Variants in SCML2 observed in about 807,000 individuals in gnomAD.
SCML2 encodes the protein Scm polycomb group protein like 2.
A neutral mutation model predicts 48.4 loss-of-function variants in SCML2; 6 were observed. That is an observed-to-expected ratio of 0.12 (90% CI 0.07 to 0.24). The LOEUF is 0.24. Among genes scored for constraint, SCML2 ranks in the 10% least tolerant of loss-of-function variants. The probability of loss-of-function intolerance (pLI) is 1.00; values close to 1 mark genes in which losing one functional copy is unlikely to be tolerated. For missense variants in SCML2, 377 were observed against 528.2 expected, an observed-to-expected ratio of 0.71 and a Z score of 2.81; for synonymous variants, 181 against 189.5, an observed-to-expected ratio of 0.95 and a Z score of 0.37.
At chrX:18,263,599 A>G (rs1342910969) in intron 8 of SCML2, among the ~76,000 whole-genome samples, 3 of 111,846 alleles carry the variant, frequency 2.7e-5, no homozygotes, top group Non-Finnish European at 5.6e-5. Flanking sequence ...TAAGGAAAAG[A>G]TTTCCTTCAC....
intron 6 of SCML2, among the ~76,000 whole-genome samples, chrX:18,319,022 T>C (rs1929221101): frequency 8.9e-6 from 1 of 111,876 alleles, no homozygotes; most frequent in Middle Eastern, 4.7e-3. Context: ...AGGAACAAAT[T>C]GGACACGAAT....
intron 7 of SCML2, among the ~76,000 whole-genome samples, chrX:18,287,180 C>A (rs1457023132): frequency 1.8e-5 from 2 of 111,888 alleles, no homozygotes; most frequent in Non-Finnish European, 3.8e-5. Context: ...AATTCCGACA[C>A]AAAAAGAAAG....
At chrX:18,347,723 CAAAAAAAAA>C (rs749758995) in intron 1 of SCML2, among the ~76,000 whole-genome samples, 13 of 21,917 alleles carry the variant, frequency 5.9e-4, no homozygotes, top group Non-Finnish European at 1.1e-3. Flanking sequence ...GACTCCGTCT[CAAAAAAAAA>C]AAAAAAAAAA....
intron 11 of SCML2, among the ~76,000 whole-genome samples, chrX:18,252,597 T>G (rs1451203169): frequency 1.8e-5 from 2 of 112,170 alleles, no homozygotes; most frequent in Non-Finnish European, 3.8e-5. Flanking sequence ...CTCAATAAAG[T>G]TACTATAAGA....
At chrX:18,352,764 AGACT>A (rs1240376734) in intron 1 of SCML2, among the ~76,000 whole-genome samples, 1 of 112,077 alleles carries the variant, frequency 8.9e-6, no homozygotes, top group Non-Finnish European at 1.9e-5. Context: ...CACCTTTTTT[AGACT>A]GACTGTAATG....
intron 7 of SCML2, among the ~76,000 whole-genome samples, chrX:18,288,971 G>A (rs1421959040): frequency 9.0e-6 from 1 of 111,693 alleles, no homozygotes; most frequent in East Asian, 2.8e-4. Context: ...GTGGACTGTA[G>A]AGACAGTGAT....
intron 11 of SCML2, 61 bp from the exon 12 acceptor site, chrX:18,247,943 T>C (rs1317189770): frequency 3.2e-5 from 25 of 772,218 alleles, no homozygotes; most frequent in East Asian, 1.6e-4. Flanking sequence ...AGCATTTTCA[T>C]ATCATCAGCA....
At chrX:18,346,868 A>G (rs760225922) in intron 1 of SCML2, among the ~76,000 whole-genome samples, 1 of 112,040 alleles carries the variant, frequency 8.9e-6, no homozygotes, top group East Asian at 2.8e-4. Context: ...GACCAAGAGA[A>G]GCTCTCTCTT....
chrX:18,268,862 A>T (rs1208570212), intron 7 of SCML2, among the ~76,000 whole-genome samples: 1 of 110,709 alleles, frequency 9.0e-6, no homozygotes, highest in Admixed American at 9.5e-5. Context: ...TTCCTATGGG[A>T]CATTTTGGTT....
intron 3 of SCML2, 145 bp downstream of exon 3, chrX:18,330,439 TTTC>T (rs1283810611): frequency 6.5e-6 from 2 of 308,845 alleles, no homozygotes; most frequent in African/African-American, 2.7e-5. Context: ...ATTTTTGACC[TTTC>T]TTATTACATT....
At chrX:18,242,686 AC>A in intron 13 of SCML2, 96 bp from the exon 14 acceptor site, 1 of 938,152 alleles carries the variant, frequency 1.1e-6, no homozygotes. Context: ...CATTCCTGGA[AC>A]CTTTTGTTAA....
intron 1 of SCML2, among the ~76,000 whole-genome samples, chrX:18,350,693 C>T (rs745444023): frequency 5.5e-5 from 6 of 109,180 alleles, no homozygotes; most frequent in African/African-American, 1.0e-4. Flanking sequence ...TGCAATGAGC[C>T]GAGATTGCAC....
At chrX:18,314,905 A>G (rs1929068568) in intron 6 of SCML2, among the ~76,000 whole-genome samples, 1 of 110,163 alleles carries the variant, frequency 9.1e-6, no homozygotes, top group African/African-American at 3.3e-5. Context: ...ACTGGCCAAC[A>G]TGGCGAAACC....
chrX:18,266,607 TA>T (rs1488989381), intron 7 of SCML2, among the ~76,000 whole-genome samples: 1 of 112,276 alleles, frequency 8.9e-6, no homozygotes, highest in Admixed American at 9.4e-5. Context: ...CACTAATGCT[TA>T]AAAAAATTCT....
At chrX:18,252,110 C>T (rs1926685011) in intron 11 of SCML2, among the ~76,000 whole-genome samples, 1 of 111,426 alleles carries the variant, frequency 9.0e-6, no homozygotes, top group African/African-American at 3.3e-5. Context: ...CACGTCTCTA[C>T]TAAAAATACA....
At chrX:18,243,733 C>G (rs1214314053) in intron 13 of SCML2, among the ~76,000 whole-genome samples, 1 of 111,955 alleles carries the variant, frequency 8.9e-6, no homozygotes, top group African/African-American at 3.2e-5. Context: ...CTCAAATGGT[C>G]TTAGCTGTGC....
At chrX:18,302,872 G>A (rs1928639015) in intron 7 of SCML2, among the ~76,000 whole-genome samples, 1 of 112,222 alleles carries the variant, frequency 8.9e-6, no homozygotes, top group South Asian at 3.7e-4. Context: ...CCCTGAATCA[G>A]TTAGGATTGA....
intron 7 of SCML2, among the ~76,000 whole-genome samples, chrX:18,291,288 A>G (rs1180034692): frequency 9.0e-6 from 1 of 111,566 alleles, no homozygotes; most frequent in Non-Finnish European, 1.9e-5. Context: ...GGTCATAACA[A>G]GAGCTAAGAA....
At chrX:18,306,830 TTTTTTAA>T (rs1928772589) in intron 6 of SCML2, among the ~76,000 whole-genome samples, 2 of 111,087 alleles carry the variant, frequency 1.8e-5, no homozygotes, top group African/African-American at 6.6e-5. Context: ...TACATATTCT[TTTTTTAA>T]TTTTTATTTT....
Sources: gnomAD v4.1 joint callset for allele counts (sites outside exome capture counted in the v4.1 genomes callset) on GRCh38, gnomAD v4.1.1 for gene constraint, MANE v1.5 for transcripts, NCBI Gene and HGNC (gene_info 2026-07-23, HGNC 2026-07-21) for gene names.